Variants in SCN11A observed in about 807,000 individuals in gnomAD.
The protein encoded by SCN11A is sodium channel protein type 11 subunit alpha.
A neutral mutation model predicts 162.2 loss-of-function variants in SCN11A; 122 were observed. That is an observed-to-expected ratio of 0.75 (90% CI 0.65 to 0.87). SCN11A has a LOEUF of 0.87. Ranked by LOEUF, SCN11A falls within the 40% of genes least tolerant of loss-of-function variation. The pLI, the probability that SCN11A is intolerant of heterozygous loss-of-function variation, is 0.00. For synonymous variants in SCN11A, 758 were observed against 751.5 expected, an observed-to-expected ratio of 1.01 and a Z score of -0.14; for missense variants, 2,015 against 2,181.6, an observed-to-expected ratio of 0.92 and a Z score of 1.52.
rs80314477 is a variant in SCN11A, at chr3:38,997,025, A to G, written c.-280+35355T>C. 4.9e-4 allele frequency among the ~76,000 whole-genome samples: 74 copies of G among 152,224 alleles called. 1 individual carries two copies. In the East Asian group the frequency reaches 0.013, roughly 27 times the overall value. ...CTCAGTTACCACAAGTGGCCTCCTAACTAATCCCCCTGCTTCCACCCTTGC... is the reference window on the plus strand; with the variant it reads ...CTCAGTTACCACAAGTGGCCTCCTAGCTAATCCCCCTGCTTCCACCCTTGC... On this transcript the variant is annotated intron_variant, in intron 2 of 29. Coordinates refer to ENST00000302328, the MANE Select transcript of SCN11A (RefSeq NM_001349253.2).
chr3:39,031,287 G>A (rs746856705), intron 2 of SCN11A, among the ~76,000 whole-genome samples: 4 of 152,060 alleles, frequency 2.6e-5, no homozygotes, highest in Non-Finnish European at 5.9e-5. Flanking sequence ...ACACTTTGGC[G>A]GGCCAAAGCA....
chr3:38,990,471 G>T (rs2030417097), intron 2 of SCN11A, among the ~76,000 whole-genome samples: 2 of 152,160 alleles, frequency 1.3e-5, no homozygotes, highest in Non-Finnish European at 2.9e-5. Context: ...GAGATAATGT[G>T]AGGCAATATA....
chr3:38,852,611 C>T (rs577908758), intron 28 of SCN11A, among the ~76,000 whole-genome samples: 7 of 152,268 alleles, frequency 4.6e-5, no homozygotes, highest in Non-Finnish European at 7.4e-5. Context: ...CAGGAGAAAT[C>T]GAAGTGATTC....
At position 38,894,632 on chromosome 3, in the gene SCN11A, A is replaced by T; in HGVS notation, c.2736T>A (p.Asp912Glu). 6.2e-7 allele frequency: 1 copy of T among 1,614,144 alleles called. No homozygotes were observed. The highest frequency in any genetic ancestry group is 1.7e-5 in the Admixed American group (1 of 60,026). The change falls in exon 19 of 30, where the codon GAT (aspartate) becomes GAA (glutamate). Residue 912 changes from aspartate to glutamate, a missense_variant. Coordinates refer to ENST00000302328, the MANE Select transcript of SCN11A (RefSeq NM_001349253.2). ...SVPKTLGVRH[D>E]WTWLAPLAEE... Reference sequence around the variant, plus strand: ...CCGCAAGTGGTGCCAACCAAGTCCAATCATGCCTGACGCCCAGGGTCTTTG... The same window carrying T: ...CCGCAAGTGGTGCCAACCAAGTCCATTCATGCCTGACGCCCAGGGTCTTTG...
chr3:38,860,106 G>A (rs1172184545), intron 28 of SCN11A, among the ~76,000 whole-genome samples: 1 of 151,484 alleles, frequency 6.6e-6, no homozygotes, highest in Non-Finnish European at 1.5e-5. Context: ...ACCTCACTTC[G>A]ACCCCCTATG....
chr3:38,938,507 ATCATATATATATATATAT>A (rs1559544735), intron 7 of SCN11A, among the ~76,000 whole-genome samples: 11 of 105,858 alleles, frequency 1.0e-4, no homozygotes, highest in Non-Finnish European at 1.9e-4. Flanking sequence ...AAGGAAAAAT[ATCATATATATATATATAT>A]ATATATATAT....
In SCN11A at chr3:38,908,012, AAAG is replaced by A; in HGVS notation, c.1407_1409del (p.Phe470del). On this transcript the variant is annotated inframe_deletion, in exon 14 of 30. Transcript: ENST00000302328. The stretch of plus-strand genomic sequence containing the variant: ...GCTGGTCTTTCCCAGACTCTCTCAA[AAAG>A]AAGGACTTCCTTTTCTTATTACCAA... 6.2e-7 allele frequency: 1 copy of A among 1,613,516 alleles called. No homozygotes were observed. The highest frequency in any genetic ancestry group is 8.5e-7 in the Non-Finnish European group (1 of 1,179,854).
intron 28 of SCN11A, among the ~76,000 whole-genome samples, chr3:38,862,469 C>T (rs181078664): frequency 1.9e-4 from 29 of 152,054 alleles, no homozygotes; most frequent in South Asian, 1.0e-3. Context: ...CAATTCGCAA[C>T]GGCAAAAATG....
chr3:38,894,855 C>A lies in SCN11A; in HGVS notation c.2513G>T (p.Arg838Leu), dbSNP rs149681198. The A allele has an allele frequency of 1.2e-6, 2 of 1,614,210 alleles. No homozygotes were observed. Among genetic ancestry groups the A allele is most frequent in the African/African-American group, 1.3e-5 (1 of 75,056 alleles). Reference protein sequence around the residue: ...RKTKVQLALDRFRRAFCFVRH... With the variant: ...RKTKVQLALDLFRRAFCFVRH... ...CACAAAACAAAAAGCCCGGCGGAAT[C>A]GATCCAGTGCTAACTGGACTTTAGT... Residue 838 changes from arginine to leucine, a missense_variant, in exon 19 of 30, where the codon CGA (arginine) becomes CTA (leucine). Coordinates refer to ENST00000302328, the MANE Select transcript of SCN11A (RefSeq NM_001349253.2).
At chr3:38,913,874 A>G (rs149197753) in intron 11 of SCN11A, among the ~76,000 whole-genome samples, 3,044 of 152,258 alleles carry the variant, frequency 0.02, 42 homozygotes, top group Non-Finnish European at 0.029. Context: ...TATCAGTACC[A>G]TGCTGTTTTG....
At chr3:38,952,768 AAG>A (rs1359298570) in intron 4 of SCN11A, among the ~76,000 whole-genome samples, 20 of 152,328 alleles carry the variant, frequency 1.3e-4, no homozygotes, top group African/African-American at 4.6e-4. Flanking sequence ...ACAAGAGAAA[AAG>A]GGGGACACTA....
chr3:38,987,978 G>A (rs556184949), intron 2 of SCN11A, among the ~76,000 whole-genome samples: 1 of 152,298 alleles, frequency 6.6e-6, no homozygotes, highest in Middle Eastern at 3.4e-3. Flanking sequence ...AGAATCAAGC[G>A]TGAGGGAAAC....
intron 5 of SCN11A, among the ~76,000 whole-genome samples, chr3:38,947,678 T>A (rs1266231605): frequency 6.6e-6 from 1 of 152,064 alleles, no homozygotes; most frequent in East Asian, 1.9e-4. Context: ...CTGCCCATTT[T>A]CTCCTAGCAT....
chr3:39,028,108 T>C (rs1559579100), intron 2 of SCN11A, among the ~76,000 whole-genome samples: 1 of 152,190 alleles, frequency 6.6e-6, no homozygotes, highest in Non-Finnish European at 1.5e-5. Flanking sequence ...GAGTACAGTC[T>C]GTCAACTAGC....
rs1219989300 is a variant in SCN11A at position 38,847,687 on chromosome 3, G to C, written c.4383C>G (p.Leu1461=). ...TCCGAGCCAAGCGGACAATTCTGAA[G>C]AGCGTCGGAGGGAAAGGAATGTGCT... The part of the protein sequence containing the change: ...NQEHIPFPPT[L]FRIVRLARIG... Residue 1461 remains leucine (L), a synonymous_variant, in exon 30 of 30, where the codon CTC becomes CTG. Transcript: ENST00000302328. 1 of 1,613,420 alleles carries C rather than the reference G, an allele frequency of 6.2e-7. No homozygotes were observed. The highest frequency in any genetic ancestry group is 1.1e-5 in the South Asian group (1 of 91,040).
intron 2 of SCN11A, among the ~76,000 whole-genome samples, chr3:39,026,619 G>C (rs2031596780): frequency 1.3e-5 from 2 of 152,206 alleles, no homozygotes; most frequent in South Asian, 4.1e-4. Context: ...CCTCAGTTTA[G>C]AATGGGCTCC....
At chr3:38,874,984 T>C (rs1408061093) in intron 23 of SCN11A, among the ~76,000 whole-genome samples, 2 of 152,318 alleles carry the variant, frequency 1.3e-5, no homozygotes, top group Non-Finnish European at 2.9e-5. Flanking sequence ...CAATAAATAT[T>C]ATAGAACTGT....
chr3:39,004,160 C>T (rs929236500), intron 2 of SCN11A, among the ~76,000 whole-genome samples: 1 of 152,154 alleles, frequency 6.6e-6, no homozygotes, highest in Non-Finnish European at 1.5e-5. Flanking sequence ...TTGGGTTTTA[C>T]ATTTAAGTCT....
At chr3:38,939,265 T>C (rs1044596956) in intron 7 of SCN11A, among the ~76,000 whole-genome samples, 3 of 151,872 alleles carry the variant, frequency 2.0e-5, no homozygotes, top group African/African-American at 7.3e-5. Flanking sequence ...ACAAATAGAA[T>C]TTAAGACATA....
Sources: gnomAD v4.1 joint callset for allele counts (sites outside exome capture counted in the v4.1 genomes callset) on GRCh38, gnomAD v4.1.1 for gene constraint, MANE v1.5 for transcripts, NCBI Gene and HGNC (gene_info 2026-07-23, HGNC 2026-07-21) for gene names.